Variants in GPSM1 observed in about 807,000 individuals in gnomAD.
GPSM1 encodes the protein G protein signaling modulator 1.
In GPSM1, 48 loss-of-function variants were observed where a neutral mutation model predicts 70.5. The observed-to-expected ratio is 0.68, with a 90% CI of 0.54 to 0.87. The LOEUF is 0.87. Among genes scored for constraint, GPSM1 ranks in the 40% least tolerant of loss-of-function variants. GPSM1 has a pLI of 0.00. For synonymous variants in GPSM1, 416 were observed against 430.1 expected (o/e 0.97, Z 0.41); for missense variants, 981 against 972.6 (o/e 1.01, Z -0.11).
chr9:136,345,633 G>A (rs1832504942), intron 9 of GPSM1, among the ~76,000 whole-genome samples: 1 of 152,172 alleles, frequency 6.6e-6, no homozygotes, highest in South Asian at 2.1e-4. Context: ...GATGCGGTGG[G>A]GAAACCAACT....
chr9:136,352,537 G>A (rs1303269986), intron 11 of GPSM1, among the ~76,000 whole-genome samples: 3 of 152,222 alleles, frequency 2.0e-5, no homozygotes, highest in African/African-American at 7.2e-5. Context: ...AACCAGGAAT[G>A]AGACAGAGAG....
rs782388005 is a variant in GPSM1, at chr9:136,338,714, C to T, written c.974+4C>T. 22 of 1,546,728 alleles carry T rather than the reference C, an allele frequency of 1.4e-5. No individual in the cohort carries two copies. The highest frequency in any genetic ancestry group is 1.9e-4 in the Middle Eastern group (1 of 5,170). Reference sequence around the variant, plus strand: ...TTGCCCAGGAGCTGGCCGACAGGTGCGTGGGCGCGGACGCGGCGGGCAGAC... The same window carrying T: ...TTGCCCAGGAGCTGGCCGACAGGTGTGTGGGCGCGGACGCGGCGGGCAGAC... On this transcript the variant is annotated splice_donor_region_variant and intron_variant, in intron 7 of 13. Coordinates refer to ENST00000440944, the MANE Select transcript of GPSM1 (RefSeq NM_001145638.3).
chr9:136,340,863 G>T lies in GPSM1; in HGVS notation c.1084-7G>T. 1 of 1,564,980 alleles carries T rather than the reference G, an allele frequency of 6.4e-7. No homozygotes were observed. On this transcript the variant is annotated splice_polypyrimidine_tract_variant and splice_region_variant and intron_variant, in intron 8 of 13. Coordinates refer to ENST00000440944, the MANE Select transcript of GPSM1 (RefSeq NM_001145638.3). The surrounding 1 kb of genome is among the most constrained non-coding windows in gnomAD (Gnocchi z 7.3). The stretch of plus-strand genomic sequence containing the variant: ...ACCTGCCCGCTCCGCCACCCCACTC[G>T]CCGCAGATCGGGGACCGCCATGGGG...
chr9:136,358,368 G>A lies in GPSM1; in HGVS notation c.*148G>A. ...CCCCGACCCAGGGCGACAGGCTCAG[G>A]CCAAGCTGCCCGTGGTGGGAGGGCG... On this transcript the variant is annotated 3_prime_UTR_variant, in exon 14 of 14. Coordinates refer to ENST00000440944, the MANE Select transcript of GPSM1 (RefSeq NM_001145638.3). 1 of 736,184 alleles carries A rather than the reference G, an allele frequency of 1.4e-6. No individual in the cohort carries two copies. Among genetic ancestry groups the A allele is most frequent in the Non-Finnish European group, 2.2e-6 (1 of 457,716 alleles). 45.6% of individuals were successfully genotyped at this position (736,184 alleles called of 1,614,324 possible).
At position 136,341,560 on chromosome 9, in the gene GPSM1, CA is replaced by C. The variant is rs1832392008; in HGVS notation, c.1207+568del. The C allele has an allele frequency of 3.9e-6, 4 of 1,034,374 alleles. No homozygotes were observed. Among genetic ancestry groups the C allele is most frequent in the South Asian group, 3.8e-5 (1 of 26,224 alleles). 64.1% of individuals were successfully genotyped at this position (1,034,374 alleles called of 1,614,324 possible). On this transcript the variant is annotated intron_variant, in intron 9 of 13. Coordinates refer to ENST00000440944, the MANE Select transcript of GPSM1 (RefSeq NM_001145638.3). This position sits in a 1 kb window ranked among gnomAD's most constrained non-coding sequence, Gnocchi z 6.7. The stretch of plus-strand genomic sequence containing the variant: ...GCAAAGCGAAAAGACTAATAGGTGC[CA>C]GGGGGGTGGTGCCAGGTTGGGCCGA...
At position 136,343,958 on chromosome 9, in the gene GPSM1, G is replaced by C. The variant is rs1192342991; in HGVS notation, c.1207+2965G>C. ...GGGTCCCGCACGCAGCAGATACACAGTAAATGCCTGCTGCTTGGTCACCAG... is the reference window on the plus strand; with the variant it reads ...GGGTCCCGCACGCAGCAGATACACACTAAATGCCTGCTGCTTGGTCACCAG... On this transcript the variant is annotated intron_variant, in intron 9 of 13. Coordinates refer to ENST00000440944, the MANE Select transcript of GPSM1 (RefSeq NM_001145638.3). The surrounding 1 kb of genome is among the most constrained non-coding windows in gnomAD (Gnocchi z 6.0). Among the ~76,000 whole-genome samples the C allele has an allele frequency of 1.3e-5, 2 of 152,164 alleles. No individual in the cohort carries two copies. The highest frequency in any genetic ancestry group is 2.9e-5 in the Non-Finnish European group (2 of 68,022).
intron 9 of GPSM1, 134 bp from the exon 10 acceptor site, chr9:136,348,563 C>T (rs547155535): frequency 8.9e-5 from 54 of 609,234 alleles, no homozygotes; most frequent in East Asian, 8.6e-4. Context: ...ACATGGCGCT[C>T]GCCTCCACAA....
chr9:136,347,145 G>A (rs555918882), intron 9 of GPSM1, among the ~76,000 whole-genome samples: 110 of 152,268 alleles, frequency 7.2e-4, no homozygotes, highest in African/African-American at 2.5e-3. Context: ...CTCTCGGGGG[G>A]ATGAGTGCGG....
intron 4 of GPSM1, 83 bp from the exon 5 acceptor site, chr9:136,337,355 TGGA>T: frequency 6.6e-7 from 1 of 1,522,762 alleles, no homozygotes. Context: ...TGAGGCCGCA[TGGA>T]GGCCGCTACT....
In GPSM1 at chr9:136,343,653, A is replaced by G. The variant is rs1832447818; in HGVS notation, c.1207+2660A>G. 6.6e-6 allele frequency among the ~76,000 whole-genome samples: 1 copy of G among 152,216 alleles called. No individual in the cohort carries two copies. Among genetic ancestry groups the G allele is most frequent in the African/African-American group, 2.4e-5 (1 of 41,460 alleles). Reference sequence around the variant, plus strand: ...GGCTCCAGCCCTGGCCAGCTGATCAAGTGACTTGACCCACTTGTGCCTCAG... The same window carrying G: ...GGCTCCAGCCCTGGCCAGCTGATCAGGTGACTTGACCCACTTGTGCCTCAG... On this transcript the variant is annotated intron_variant, in intron 9 of 13. Coordinates refer to ENST00000440944, the MANE Select transcript of GPSM1 (RefSeq NM_001145638.3). The surrounding 1 kb of genome is among the most constrained non-coding windows in gnomAD (Gnocchi z 6.0).
chr9:136,339,455 C>T (rs1327138229), intron 7 of GPSM1, among the ~76,000 whole-genome samples: 1 of 152,282 alleles, frequency 6.6e-6, no homozygotes, highest in Admixed American at 6.5e-5. Context: ...GTTGCTTGGA[C>T]TCTGCGCTAA....
chr9:136,329,708 G>A (rs2131389734), intron 1 of GPSM1, among the ~76,000 whole-genome samples: 1 of 152,274 alleles, frequency 6.6e-6, no homozygotes, highest in South Asian at 2.1e-4. Context: ...TTAAAATGGG[G>A]AACTGTGCCT....
Position 136,327,739 on chromosome 9 carries a change from C to G in GPSM1, c.44C>G (p.Pro15Arg), listed in dbSNP as rs1215457763. 9 of 1,193,868 alleles carry G rather than the reference C, an allele frequency of 7.5e-6. No individual in the cohort carries two copies. In the African/African-American group the frequency reaches 1.3e-4, roughly 17 times the overall value. 74.0% of individuals were successfully genotyped at this position (1,193,868 alleles called of 1,614,324 possible). A position where few individuals can be genotyped will look rare whatever the true frequency, so the allele number is the denominator to read the frequency against. The part of the protein sequence containing the change: ...APPAADELPG[P>R]AARRLYSRME... ...CCCGCGGCCGACGAGCTCCCGGGCCCGGCCGCCAGGCGCCTCTACTCCAGG... is the reference window on the plus strand; with the variant it reads ...CCCGCGGCCGACGAGCTCCCGGGCCGGGCCGCCAGGCGCCTCTACTCCAGG... The change falls in exon 1 of 14, where the codon CCG becomes CGG. Residue 15 changes from proline (P) to arginine (R), a missense_variant. Pro to Arg is a moderately radical substitution (Grantham distance 103, BLOSUM62 -2). Coordinates refer to ENST00000440944, the MANE Select transcript of GPSM1 (RefSeq NM_001145638.3).
chr9:136,329,299 C>T (rs184353876), intron 1 of GPSM1, among the ~76,000 whole-genome samples: 5,376 of 152,262 alleles, frequency 0.035, 119 homozygotes, highest in Admixed American at 0.057. Flanking sequence ...GAGGTCCCCC[C>T]GGGAGTCTGC....
In GPSM1 at chr9:136,352,417, T is replaced by C. The variant is rs868954682; in HGVS notation, c.1455+2654T>C. Among the ~76,000 whole-genome samples the C allele has an allele frequency of 3.1e-4, 47 of 152,362 alleles. 1 individual carries two copies. In the Middle Eastern group the frequency reaches 0.01, roughly 33 times the overall value. ...AGCCAGCACATTCGGGGCTTTGGGA[T>C]CTGAGGCGGTGTGGCTGGGTGTGGT... On this transcript the variant is annotated intron_variant, in intron 11 of 13. Transcript: ENST00000440944.
chr9:136,329,253 G>A (rs1832047823), intron 1 of GPSM1, among the ~76,000 whole-genome samples: 1 of 152,180 alleles, frequency 6.6e-6, no homozygotes, highest in African/African-American at 2.4e-5. Context: ...CCAGACTTGG[G>A]GGAAGCGCGC....
chr9:136,330,540 G>A (rs143631214), intron 1 of GPSM1, among the ~76,000 whole-genome samples: 5 of 152,300 alleles, frequency 3.3e-5, no homozygotes, highest in Admixed American at 2.0e-4. Context: ...CTCCCAGCCC[G>A]GTCCTGCGCC....
At position 136,327,713 on chromosome 9, in the gene GPSM1, G is replaced by A. The variant is rs782059485; in HGVS notation, c.18G>A (p.Pro6=). The change falls in exon 1 of 14, where the codon CCG becomes CCA. Residue 6 remains proline (P), a synonymous_variant. Transcript: ENST00000440944. MAGPA[P]PAADELPGPA... ...CCCGACCCATGGCGGGCCCGGCCCC[G>A]CCCGCGGCCGACGAGCTCCCGGGCC... is the stretch of plus-strand genomic sequence containing the variant. 8.6e-7 allele frequency: 1 copy of A among 1,167,558 alleles called. No individual in the cohort carries two copies. Among genetic ancestry groups the A allele is most frequent in the Non-Finnish European group, 1.1e-6 (1 of 948,036 alleles). 72.3% of individuals were successfully genotyped at this position (1,167,558 alleles called of 1,614,324 possible). A position where few individuals can be genotyped will look rare whatever the true frequency, so the allele number is the denominator to read the frequency against.
At chr9:136,347,187 C>T (rs561619295) in intron 9 of GPSM1, among the ~76,000 whole-genome samples, 52 of 152,232 alleles carry the variant, frequency 3.4e-4, no homozygotes, top group African/African-American at 1.1e-3. Flanking sequence ...CCATCCATGC[C>T]GGCGCAGTCT....
Sources: gnomAD v4.1 joint callset for allele counts (sites outside exome capture counted in the v4.1 genomes callset) on GRCh38, gnomAD v4.1.1 for gene constraint, Gnocchi (gnomAD v3.1) non-coding constraint, MANE v1.5 for transcripts, NCBI Gene and HGNC (gene_info 2026-07-23, HGNC 2026-07-21) for gene names.